The following BSN variants were observed in gnomAD, a reference collection of about 807,000 sequenced individuals.
BSN encodes the protein protein bassoon.
BSN carries 57 observed loss-of-function variants against 264.8 expected under a neutral mutation model. The observed-to-expected ratio is 0.22, with a 90% confidence interval of 0.17 to 0.27. BSN has a LOEUF of 0.27. BSN is among the 10% of genes least tolerant of loss of function. BSN has a pLI of 1.00. For missense variants in BSN, 4,615 were observed against 5,232.5 expected, an observed-to-expected ratio of 0.88 and a Z score of 3.64; for synonymous variants, 2,059 against 2,137.3, an observed-to-expected ratio of 0.96 and a Z score of 1.01.
intron 2 of BSN, among the ~76,000 whole-genome samples, chr3:49,641,140 G>A (rs1233085321): frequency 6.6e-6 from 1 of 152,192 alleles, no homozygotes; most frequent in Admixed American, 6.5e-5. Context: ...TGATTTACAT[G>A]TGGGTTTTTG....
chr3:49,624,938 G>C (rs2052331092), intron 1 of BSN, 37 bp from the exon 2 acceptor site: 1 of 1,484,388 alleles, frequency 6.7e-7, no homozygotes, highest in Non-Finnish European at 9.0e-7. Context: ...GCTTCTCTAA[G>C]CTGTATCTCT....
Position 49,663,184 on chromosome 3 carries a change from C to T in BSN, c.11026C>T (p.Arg3676Cys), listed in dbSNP as rs749636971. The T allele has an allele frequency of 1.6e-5, 26 of 1,613,606 alleles. No homozygotes were observed. Among genetic ancestry groups the T allele is most frequent in the South Asian group, 3.3e-5 (3 of 91,086 alleles). Residue 3676 changes from arginine (R) to cysteine (C), a missense_variant, in exon 7 of 12, where the codon CGC becomes TGC. Around this residue, in one of 3 missense-constraint regions of BSN, gnomAD observed 3,415 missense variants for 3,866.4 expected, o/e 0.88. Coordinates refer to ENST00000296452, the MANE Select transcript of BSN (RefSeq NM_003458.4). ...AAKPHARDLGRHEARPHSQPS... is the reference protein window; with the variant it reads ...AAKPHARDLGCHEARPHSQPS... ...CAAACCACACGCTCGGGACCTGGGT[C>T]GCCATGAGGCCCGGCCCCACTCTCA... is the stretch of plus-strand genomic sequence containing the variant.
rs369923643 is a variant in BSN, at chr3:49,616,717, A to C, written c.225-8258A>C. ...GGTCAGGCCCTCCTTCCCACTGTGC[A>C]CCAGGGCAGCCACATCTCTCCTGGT... is the stretch of plus-strand genomic sequence containing the variant. On this transcript the variant is annotated intron_variant, in intron 1 of 11. Transcript: ENST00000296452. 2.6e-5 allele frequency among the ~76,000 whole-genome samples: 4 copies of C among 152,210 alleles called. No individual in the cohort carries two copies. The South Asian group carries it at 6.2e-4, about 24-fold the overall frequency.
At chr3:49,603,072 TGGGCAGCTG>T (rs1201276313) in intron 1 of BSN, among the ~76,000 whole-genome samples, 1 of 152,228 alleles carries the variant, frequency 6.6e-6, no homozygotes, top group Non-Finnish European at 1.5e-5. Context: ...TGCCTCTCAC[TGGGCAGCTG>T]GGGCCTGGTC....
chr3:49,563,700 A>G (rs1243356705), intron 1 of BSN, among the ~76,000 whole-genome samples: 2 of 152,108 alleles, frequency 1.3e-5, no homozygotes, highest in Non-Finnish European at 2.9e-5. Context: ...AGTAGGTTAT[A>G]TGTTTGCTCT....
intron 2 of BSN, among the ~76,000 whole-genome samples, chr3:49,633,410 G>A (rs1243911808): frequency 6.6e-6 from 1 of 152,146 alleles, no homozygotes; most frequent in African/African-American, 2.4e-5. Flanking sequence ...AAGGATGGCT[G>A]CTGTAAAAAT....
intron 1 of BSN, among the ~76,000 whole-genome samples, chr3:49,600,311 C>T (rs754629501): frequency 2.0e-5 from 3 of 151,964 alleles, no homozygotes; most frequent in South Asian, 4.2e-4. Context: ...AGGAAGTCAG[C>T]GAAAGGATAA....
rs541566267 is a variant in BSN at position 49,578,884 on chromosome 3, G to T, written c.224+24058G>T. ...TTTCATATAAATGGAATCATGCAAT[G>T]TGTGTTTTGGGGGTTTGGCTTCTTT... On this transcript the variant is annotated intron_variant, in intron 1 of 11. Coordinates refer to ENST00000296452, the MANE Select transcript of BSN (RefSeq NM_003458.4). 4.6e-5 allele frequency among the ~76,000 whole-genome samples: 7 copies of T among 152,282 alleles called. 1 individual carries two copies. The highest frequency in any genetic ancestry group is 1.7e-4 in the African/African-American group (7 of 41,556).
Position 49,662,876 on chromosome 3 carries a change from C to T in BSN, c.10718C>T (p.Ala3573Val), listed in dbSNP as rs2052673530. Residue 3573 changes from alanine to valine, a missense_variant and splice_region_variant, in exon 7 of 12, where the codon GCG becomes GTG. Ala to Val is a moderately conservative substitution (Grantham distance 64). Coordinates refer to ENST00000296452, the MANE Select transcript of BSN (RefSeq NM_003458.4). ...GGTATTCTGTTTTTGGTCTCTGAAG[C>T]GTATCACCTGGGCCAGGAGGAGACG... ...DSHCVVSDSE[A>V]YHLGQEETDW... The T allele has an allele frequency of 5.1e-6, 8 of 1,560,458 alleles. No homozygotes were observed. Among genetic ancestry groups the T allele is most frequent in the South Asian group, 4.8e-5 (4 of 82,534 alleles).
chr3:49,654,488 G>A lies in BSN; in HGVS notation c.4932G>A (p.Arg1644=). The A allele has an allele frequency of 6.2e-7, 1 of 1,610,758 alleles. No individual in the cohort carries two copies. The highest frequency in any genetic ancestry group is 8.5e-7 in the Non-Finnish European group (1 of 1,178,512). The change falls in exon 5 of 12, where the codon CGG becomes CGA. Residue 1644 remains arginine, a synonymous_variant. Transcript: ENST00000296452. The surrounding 1 kb of genome is among the most constrained non-coding windows in gnomAD (Gnocchi z 4.1). ...ALPAENISLC[R]ISSVPGTSRV... is the part of the protein sequence containing the mutation. ...CTGCTGAGAACATCTCCCTGTGCCG[G>A]ATCTCCTCTGTCCCTGGGACGTCTA... is the stretch of plus-strand genomic sequence containing the variant.
In BSN at chr3:49,662,973, C is replaced by T. The variant is rs751443303; in HGVS notation, c.10815C>T (p.Ser3605=). Residue 3605 remains serine (S), a synonymous_variant, in exon 7 of 12, where the codon TCC becomes TCT. Coordinates refer to ENST00000296452, the MANE Select transcript of BSN (RefSeq NM_003458.4). The part of the protein sequence containing the change: ...FRHHGGHAVS[S]SSQKRGPARH... ...ACCACGGGGGCCATGCAGTTTCCTC[C>T]TCCTCCCAGAAGCGAGGCCCTGCCA... 2 of 1,614,052 alleles carry T rather than the reference C, an allele frequency of 1.2e-6. No individual in the cohort carries two copies. Among genetic ancestry groups the T allele is most frequent in the African/African-American group, 1.3e-5 (1 of 74,948 alleles).
At chr3:49,582,141 C>A (rs894046197) in intron 1 of BSN, among the ~76,000 whole-genome samples, 1 of 152,152 alleles carries the variant, frequency 6.6e-6, no homozygotes, top group African/African-American at 2.4e-5. Flanking sequence ...TTTTCCACGT[C>A]CTTGTCAACA....
rs1231497970 is a variant in BSN, at chr3:49,656,325, G to A, written c.6769G>A (p.Gly2257Arg). The A allele has an allele frequency of 1.9e-6, 3 of 1,612,696 alleles. No homozygotes were observed. Among genetic ancestry groups the A allele is most frequent in the African/African-American group, 1.3e-5 (1 of 74,938 alleles). The change falls in exon 5 of 12, where the codon GGG (glycine) becomes AGG (arginine). Residue 2257 changes from glycine to arginine, a missense_variant. Transcript: ENST00000296452. ...CCCCCGGGTACCTCTTGGACCCACA[G>A]GGCTGTACCGCTATCCTGCACCAAG... ...IAPRVPLGPTGLYRYPAPSRF... is the reference protein window; with the variant it reads ...IAPRVPLGPTRLYRYPAPSRF...
intron 1 of BSN, among the ~76,000 whole-genome samples, chr3:49,618,260 C>G (rs773343748): frequency 2.0e-4 from 30 of 152,156 alleles, no homozygotes; most frequent in Non-Finnish European, 3.1e-4. Context: ...CAAACCCAAA[C>G]TTGTGATTTT....
Position 49,642,157 on chromosome 3 carries a change from G to A in BSN, c.634-111G>A. The A allele has an allele frequency of 1.2e-6, 1 of 851,512 alleles. No individual in the cohort carries two copies. Among genetic ancestry groups the A allele is most frequent in the Non-Finnish European group, 1.7e-6 (1 of 594,254 alleles). The allele number at this position is 851,512 out of a possible 1,614,324, so 52.7% of individuals were successfully genotyped here. A position where few individuals can be genotyped will look rare whatever the true frequency, so the allele number is the denominator to read the frequency against. On this transcript the variant is annotated intron_variant, in intron 2 of 11. Transcript: ENST00000296452. The surrounding 1 kb of genome is among the most constrained non-coding windows in gnomAD (Gnocchi z 7.0). ...CAGAAATGCCTGAGCAGGGCTTGGTGCTCCTGCCTGTGCTAGGAGTGGCCT... is the reference window on the plus strand; with the variant it reads ...CAGAAATGCCTGAGCAGGGCTTGGTACTCCTGCCTGTGCTAGGAGTGGCCT...
chr3:49,636,666 C>T (rs1424405953), intron 2 of BSN, among the ~76,000 whole-genome samples: 1 of 152,214 alleles, frequency 6.6e-6, no homozygotes, highest in Non-Finnish European at 1.5e-5. Context: ...GGGCAGGTTC[C>T]CAAGACCTTC....
In BSN at chr3:49,576,359, A is replaced by G. The variant is rs190652786; in HGVS notation, c.224+21533A>G. ...TCTCTTGAATGCAGGAATATCTGGG[A>G]AATTCCCTGTTTCTTCCTTGGTAAG... On this transcript the variant is annotated intron_variant, in intron 1 of 11. Transcript: ENST00000296452. 4.6e-5 allele frequency among the ~76,000 whole-genome samples: 7 copies of G among 152,044 alleles called. No homozygotes were observed. In the East Asian group the frequency reaches 9.7e-4, roughly 21 times the overall value.
intron 1 of BSN, among the ~76,000 whole-genome samples, chr3:49,616,778 C>T (rs1472819601): frequency 6.6e-6 from 1 of 152,200 alleles, no homozygotes; most frequent in Non-Finnish European, 1.5e-5. Flanking sequence ...GTGTCTGAAG[C>T]ATTTTTTAGT....
chr3:49,568,003 G>A (rs1414548124), intron 1 of BSN, among the ~76,000 whole-genome samples: 4 of 152,214 alleles, frequency 2.6e-5, no homozygotes, highest in African/African-American at 4.8e-5. Context: ...AGTTCCAAGG[G>A]TGGGGAGAGG....
Sources: allele counts gnomAD v4.1 joint callset (sites outside exome capture counted in the v4.1 genomes callset), GRCh38; gene constraint gnomAD v4.1.1; regional missense constraint gnomAD v4.1.1; non-coding constraint Gnocchi (gnomAD v3.1); transcripts MANE v1.5; gene names NCBI Gene and HGNC (gene_info 2026-07-23, HGNC 2026-07-21).